Variants in GFPT2 observed in about 807,000 individuals in gnomAD.
GFPT2 encodes glutamine--fructose-6-phosphate aminotransferase [isomerizing] 2.
A neutral mutation model predicts 85.6 loss-of-function variants in GFPT2; 62 were observed. That is an observed-to-expected ratio of 0.72 (90% CI 0.59 to 0.90). The LOEUF (loss-of-function observed/expected upper bound fraction) is 0.90. GFPT2 is among the 40% of genes least tolerant of loss of function. The pLI is 0.00. For synonymous variants in GFPT2, 368 were observed against 344.5 expected, an observed-to-expected ratio of 1.07 and a Z score of -0.75; for missense variants, 788 against 893.4, an observed-to-expected ratio of 0.88 and a Z score of 1.50.
chr5:180,323,186 C>T lies in GFPT2; in HGVS notation c.794+1002G>A, dbSNP rs899714082. On this transcript the variant is annotated intron_variant, in intron 9 of 18. Transcript: ENST00000253778. The surrounding 1 kb of genome is among the most constrained non-coding windows in gnomAD (Gnocchi z 4.0). ...TACTATGCCAAAATCTACAATTCTC[C>T]GTGTTTTAGAATCACTGAAATAATA... is the stretch of plus-strand genomic sequence containing the variant. Among the ~76,000 whole-genome samples the T allele has an allele frequency of 2.6e-5, 4 of 152,094 alleles. No homozygotes were observed. The highest frequency in any genetic ancestry group is 6.5e-5 in the Admixed American group (1 of 15,274).
At chr5:180,336,341 C>T (rs1041903763) in intron 3 of GFPT2, 138 bp downstream of exon 3, 95 of 703,796 alleles carry the variant, frequency 1.3e-4, no homozygotes, top group Non-Finnish European at 2.3e-4. Flanking sequence ...CCCGGTTTTA[C>T]AGCACGGGCT....
chr5:180,319,645 G>A (rs1030434804), intron 9 of GFPT2, among the ~76,000 whole-genome samples: 6 of 152,182 alleles, frequency 3.9e-5, no homozygotes, highest in Non-Finnish European at 7.4e-5. Flanking sequence ...GATGGATAAG[G>A]CTGGCAACAC....
chr5:180,346,875 GACAGGATTTTAA>G (rs1363678371), intron 1 of GFPT2, among the ~76,000 whole-genome samples: 1 of 152,236 alleles, frequency 6.6e-6, no homozygotes, highest in Non-Finnish European at 1.5e-5. Flanking sequence ...ACTGGCAGGC[GACAGGATTTTAA>G]ATGAGCTGAG....
At position 180,317,032 on chromosome 5, in the gene GFPT2, C is replaced by G. The variant is rs1468439580; in HGVS notation, c.985G>C (p.Glu329Gln). 1 of 1,610,268 alleles carries G rather than the reference C, an allele frequency of 6.2e-7. No individual in the cohort carries two copies. The highest frequency in any genetic ancestry group is 1.3e-5 in the African/African-American group (1 of 74,856). Residue 329 changes from glutamate to glutamine, a missense_variant, in exon 11 of 19, where the codon GAG becomes CAG. Physicochemically the swap from Glu to Gln is conservative, Grantham distance 29 (BLOSUM62 2). Coordinates refer to ENST00000253778, the MANE Select transcript of GFPT2 (RefSeq NM_005110.4). The part of the protein sequence containing the change: ...KGNFSAFMQK[E>Q]IFEQPESVFN... ...ACTGATTCTGGCTGTTCGAAGATCT[C>G]CTTCTGCATAAACGCACTGAAGTTA...
chr5:180,332,731 G>A (rs1303749772), intron 4 of GFPT2, among the ~76,000 whole-genome samples: 1 of 151,998 alleles, frequency 6.6e-6, no homozygotes, highest in African/African-American at 2.4e-5. Flanking sequence ...GTAGAGACAG[G>A]GTTTCACCAT....
In GFPT2 at chr5:180,323,713, C is replaced by T. The variant is rs1764162562; in HGVS notation, c.794+475G>A. Among the ~76,000 whole-genome samples the T allele has an allele frequency of 6.6e-6, 1 of 152,116 alleles. No individual in the cohort carries two copies. The highest frequency in any genetic ancestry group is 2.4e-5 in the African/African-American group (1 of 41,410). ...TGGCTCTGTCTTTCACAAATGGTCT[C>T]ACCCCAGGCAAAGGCAGGGAGGGGC... On this transcript the variant is annotated intron_variant, in intron 9 of 18. Coordinates refer to ENST00000253778, the MANE Select transcript of GFPT2 (RefSeq NM_005110.4). This position sits in a 1 kb window ranked among gnomAD's most constrained non-coding sequence, Gnocchi z 4.0.
chr5:180,323,754 G>A lies in GFPT2; in HGVS notation c.794+434C>T, dbSNP rs1335694804. Among the ~76,000 whole-genome samples, 2 of 152,172 alleles carry A rather than the reference G, an allele frequency of 1.3e-5. No homozygotes were observed. The highest frequency in any genetic ancestry group is 1.3e-4 in the Admixed American group (2 of 15,270). On this transcript the variant is annotated intron_variant, in intron 9 of 18. Transcript: ENST00000253778. This position sits in a 1 kb window ranked among gnomAD's most constrained non-coding sequence, Gnocchi z 4.0. ...AGGGAGGGGCATGGGAGGGACTGAG[G>A]TCTAGACACAGTTGTCTCATCTAAA...
rs563922821 is a variant in GFPT2, at chr5:180,326,003, C to T, written c.597-1108G>A. Among the ~76,000 whole-genome samples, 159 of 151,660 alleles carry T rather than the reference C, an allele frequency of 1.0e-3. 1 individual carries two copies. The highest frequency in any genetic ancestry group is 4.7e-3 in the East Asian group (24 of 5,122). On this transcript the variant is annotated intron_variant, in intron 7 of 18. Coordinates refer to ENST00000253778, the MANE Select transcript of GFPT2 (RefSeq NM_005110.4). ...TCGTGCCACTGCACTCCAGCTTGGG[C>T]GACAAAGCGAGACTCCATCTCTAAA...
At chr5:180,307,103 T>G (rs915528539) in intron 16 of GFPT2, 73 bp downstream of exon 16, 11 of 1,305,578 alleles carry the variant, frequency 8.4e-6, no homozygotes, top group Non-Finnish European at 1.1e-5. Context: ...CGCCCTGCCC[T>G]CCTTCCCGCT....
At chr5:180,321,787 GTTTTGTT>G (rs1764126169) in intron 9 of GFPT2, among the ~76,000 whole-genome samples, 1 of 152,046 alleles carries the variant, frequency 6.6e-6, no homozygotes, top group Admixed American at 6.5e-5. Flanking sequence ...GTTTTGTTTT[GTTTTGTT>G]TTGTTTTGAG....
rs150548331 is a variant in GFPT2, at chr5:180,314,633, C to T, written c.1274-669G>A. Among the ~76,000 whole-genome samples, 657 of 152,314 alleles carry T rather than the reference C, an allele frequency of 4.3e-3. 11 individuals are homozygous for T. The highest frequency in any genetic ancestry group is 0.041 in the East Asian group (210 of 5,176). Reference sequence around the variant, plus strand: ...CTGTTTGCAGGGCCACTGCTCTTGGCTGTGTCTGTCCCAGCTTTGCAGGGC... The same window carrying T: ...CTGTTTGCAGGGCCACTGCTCTTGGTTGTGTCTGTCCCAGCTTTGCAGGGC... On this transcript the variant is annotated intron_variant, in intron 13 of 18. Coordinates refer to ENST00000253778, the MANE Select transcript of GFPT2 (RefSeq NM_005110.4).
chr5:180,317,126 G>T, intron 10 of GFPT2, 68 bp from the exon 11 acceptor site: 1 of 1,007,656 alleles, frequency 9.9e-7, no homozygotes, highest in Non-Finnish European at 1.6e-6. Context: ...ATGCAGCAGC[G>T]ATAGTAACTC....
chr5:180,313,550 C>A (rs541880672), intron 14 of GFPT2, among the ~76,000 whole-genome samples: 2,504 of 150,834 alleles, frequency 0.017, 43 homozygotes, highest in African/African-American at 0.039. Flanking sequence ...AGATCGCGCC[C>A]CTGCACTCCA....
chr5:180,346,769 C>T (rs1460892284), intron 1 of GFPT2, among the ~76,000 whole-genome samples: 4 of 152,292 alleles, frequency 2.6e-5, no homozygotes, highest in East Asian at 1.9e-4. Flanking sequence ...TCCAACTTTC[C>T]GTCCCCTTTT....
At chr5:180,321,404 C>T (rs978077922) in intron 9 of GFPT2, among the ~76,000 whole-genome samples, 16 of 152,200 alleles carry the variant, frequency 1.1e-4, no homozygotes, top group African/African-American at 3.9e-4. Context: ...AACCAATGGC[C>T]CACCAGTTAG....
intron 2 of GFPT2, among the ~76,000 whole-genome samples, chr5:180,338,260 A>C (rs1764441122): frequency 6.6e-6 from 1 of 151,944 alleles, no homozygotes; most frequent in South Asian, 2.1e-4. Flanking sequence ...CTGCTTCCTG[A>C]TGGGGGGACT....
chr5:180,347,653 C>A (rs569986471), intron 1 of GFPT2, among the ~76,000 whole-genome samples: 1 of 152,276 alleles, frequency 6.6e-6, no homozygotes, highest in African/African-American at 2.4e-5. Flanking sequence ...CATGAAGGGG[C>A]ACGCAGGCAG....
In GFPT2 at chr5:180,302,542, A is replaced by G. The variant is rs759629689; in HGVS notation, c.1885T>C (p.Ser629Pro). ...ILCSKDDTES[S>P]KFAYKTIELP... The stretch of plus-strand genomic sequence containing the variant: ...TCAATTGTCTTATACGCAAACTTGG[A>G]ACTTTCAGTATCGTCCTTGGAGCAC... Residue 629 changes from serine to proline, a missense_variant, in exon 18 of 19, where the codon TCC becomes CCC. Transcript: ENST00000253778. 1 of 1,614,060 alleles carries G rather than the reference A, an allele frequency of 6.2e-7. No individual in the cohort carries two copies. The highest frequency in any genetic ancestry group is 8.5e-7 in the Non-Finnish European group (1 of 1,179,932).
intron 4 of GFPT2, among the ~76,000 whole-genome samples, chr5:180,332,746 G>A (rs1764327829): frequency 1.3e-5 from 2 of 152,032 alleles, no homozygotes; most frequent in Admixed American, 1.3e-4. Context: ...CACCATGTTA[G>A]CCAGGCTGGT....
Sources: gnomAD v4.1 joint callset for allele counts (sites outside exome capture counted in the v4.1 genomes callset) on GRCh38, gnomAD v4.1.1 for gene constraint, Gnocchi (gnomAD v3.1) non-coding constraint, MANE v1.5 for transcripts, NCBI Gene and HGNC (gene_info 2026-07-23, HGNC 2026-07-21) for gene names.